GAS7: variants seen among roughly 807,000 people sequenced by gnomAD.
GAS7 encodes growth arrest-specific protein 7.
GAS7 carries 28 observed loss-of-function variants against 71.1 expected under a neutral mutation model. The observed-to-expected ratio is 0.39, with a 90% CI of 0.29 to 0.54. GAS7 has a LOEUF of 0.54. GAS7 is among the 20% of genes least tolerant of loss of function. The probability of loss-of-function intolerance (pLI) is 0.62; values close to 1 mark genes in which losing one functional copy is unlikely to be tolerated. For missense variants in GAS7, 436 were observed against 627.8 expected (o/e 0.69, Z 3.27); for synonymous variants, 258 against 245.8 (o/e 1.05, Z -0.46).
chr17:9,984,381 T>A (rs978159675), intron 2 of GAS7, among the ~76,000 whole-genome samples: 5 of 152,094 alleles, frequency 3.3e-5, no homozygotes, highest in Non-Finnish European at 7.4e-5. Flanking sequence ...GGGGCAGGCA[T>A]AACAGGGGTA....
At chr17:10,167,873 A>AT in intron 1 of GAS7, among the ~76,000 whole-genome samples, 1 of 151,994 alleles carries the variant, frequency 6.6e-6, no homozygotes, top group Middle Eastern at 3.4e-3. Flanking sequence ...TGACATTTGT[A>AT]TTTTTTGTAG....
chr17:10,135,119 A>G (rs572096909), intron 1 of GAS7, among the ~76,000 whole-genome samples: 69 of 152,224 alleles, frequency 4.5e-4, no homozygotes, highest in African/African-American at 1.5e-3. Context: ...GTGTGAGCCA[A>G]CGCAGCCCGG....
rs1402865816 is a variant in GAS7, at chr17:9,959,146, A to G, written c.525+56T>C. On this transcript the variant is annotated intron_variant, in intron 5 of 13. Coordinates refer to ENST00000432992, the MANE Select transcript of GAS7 (RefSeq NM_201433.2). The surrounding 1 kb of genome is among the most constrained non-coding windows in gnomAD (Gnocchi z 5.0). ...GTCCACATCGCCATGGCAACAGCCC[A>G]GCCAAATGCCCCAGCTCGCAGCCCA... 8.2e-6 allele frequency: 13 copies of G among 1,588,470 alleles called. No homozygotes were observed. The highest frequency in any genetic ancestry group is 1.3e-5 in the African/African-American group (1 of 74,452).
rs534386607 is a variant in GAS7 at position 9,972,520 on chromosome 17, G to A, written c.386-2758C>T. On this transcript the variant is annotated intron_variant, in intron 3 of 13. Transcript: ENST00000432992. ...CTGATTAACAGACAAAAACAAGGAG[G>A]ATAAAGAAGACCCGAATAATTTAAT... is the stretch of plus-strand genomic sequence containing the variant. 9.8e-4 allele frequency among the ~76,000 whole-genome samples: 149 copies of A among 152,314 alleles called. 1 individual carries two copies. In the South Asian group the frequency reaches 0.029, roughly 30 times the overall value.
chr17:9,919,616 G>A lies in GAS7; in HGVS notation c.1218+10C>T, dbSNP rs2067721698. 1 of 1,601,202 alleles carries A rather than the reference G, an allele frequency of 6.2e-7. No homozygotes were observed. Among genetic ancestry groups the A allele is most frequent in the African/African-American group, 1.3e-5 (1 of 74,694 alleles). On this transcript the variant is annotated intron_variant, in intron 12 of 13. Coordinates refer to ENST00000432992, the MANE Select transcript of GAS7 (RefSeq NM_201433.2). The surrounding 1 kb of genome is among the most constrained non-coding windows in gnomAD (Gnocchi z 5.0). ...TGTACTGCCATGTCCACACATCCCT[G>A]CCCGCTTACCAATGTGGTGGTCACC... is the stretch of plus-strand genomic sequence containing the variant.
chr17:10,073,634 G>A (rs774561455), intron 1 of GAS7, among the ~76,000 whole-genome samples: 1 of 152,142 alleles, frequency 6.6e-6, no homozygotes. Flanking sequence ...TGAATCGTGC[G>A]CACATTAACG....
chr17:10,067,401 C>T (rs998481060), intron 1 of GAS7, among the ~76,000 whole-genome samples: 2 of 152,126 alleles, frequency 1.3e-5, no homozygotes, highest in African/African-American at 4.8e-5. Flanking sequence ...CATGCCACCA[C>T]ACCTGGCTAA....
chr17:10,005,268 T>C (rs952278421), intron 2 of GAS7, among the ~76,000 whole-genome samples: 5 of 151,476 alleles, frequency 3.3e-5, no homozygotes, highest in Non-Finnish European at 5.9e-5. Flanking sequence ...CACATACATG[T>C]ATGTATATGT....
intron 1 of GAS7, among the ~76,000 whole-genome samples, chr17:10,131,872 A>C (rs1223438395): frequency 6.6e-6 from 1 of 152,176 alleles, no homozygotes; most frequent in Admixed American, 6.5e-5. Context: ...GAATGTATAA[A>C]AATGTGCTCA....
At position 10,120,896 on chromosome 17, in the gene GAS7, C is replaced by T. The variant is rs1039338431; in HGVS notation, c.183+77312G>A. On this transcript the variant is annotated intron_variant, in intron 1 of 13. Transcript: ENST00000432992. ...AGCTGCCCCCACCCCTCCTCTCATC[C>T]TTTCTCACCATTTCCTTCCTTCACA... is the stretch of plus-strand genomic sequence containing the variant. Among the ~76,000 whole-genome samples the T allele has an allele frequency of 5.3e-5, 8 of 152,324 alleles. 1 individual carries two copies. The South Asian group carries it at 1.7e-3, about 32-fold the overall frequency.
At chr17:10,194,036 A>T (rs1010603381) in intron 1 of GAS7, among the ~76,000 whole-genome samples, 1 of 152,174 alleles carries the variant, frequency 6.6e-6, no homozygotes, top group East Asian at 1.9e-4. Context: ...ATGAACCCAA[A>T]ATGGGAGAAC....
intron 1 of GAS7, among the ~76,000 whole-genome samples, chr17:10,064,998 A>G (rs987079791): frequency 2.8e-5 from 3 of 106,362 alleles, no homozygotes; most frequent in African/African-American, 8.7e-5. Flanking sequence ...TTTATTTTTT[A>G]TTTATACAGA....
chr17:9,968,628 A>G (rs772764963), intron 4 of GAS7, among the ~76,000 whole-genome samples: 15 of 152,220 alleles, frequency 9.9e-5, no homozygotes, highest in Admixed American at 2.0e-4. Context: ...CTAACAGCCA[A>G]TGGGTCTCCA....
intron 1 of GAS7, among the ~76,000 whole-genome samples, chr17:10,128,775 G>T (rs994034738): frequency 6.6e-6 from 1 of 151,612 alleles, no homozygotes; most frequent in Non-Finnish European, 1.5e-5. Flanking sequence ...GCCCACCACC[G>T]CGCCCAGCTA....
chr17:10,036,309 C>T, intron 1 of GAS7: 1 of 840,432 alleles, frequency 1.2e-6, no homozygotes, highest in Non-Finnish European at 2.0e-6. Flanking sequence ...CACCACAGCT[C>T]AGCAGTTAGA....
intron 5 of GAS7, among the ~76,000 whole-genome samples, chr17:9,952,940 T>C (rs936357510): frequency 3.3e-5 from 5 of 152,044 alleles, no homozygotes; most frequent in Non-Finnish European, 5.9e-5. Context: ...AATGTGGTGA[T>C]TCCTCAAAGA....
At chr17:9,924,277 C>T (rs2067918512) in intron 11 of GAS7, among the ~76,000 whole-genome samples, 1 of 152,078 alleles carries the variant, frequency 6.6e-6, no homozygotes, top group Admixed American at 6.6e-5. Flanking sequence ...GGGTTCAAGC[C>T]ATCCTCCACC....
rs2074501630 is a variant in GAS7, at chr17:10,191,619, G to A, written c.183+6589C>T. ...GGGCTGGGCACGGTGGCTCACGCCTGTAATCCCAGCACTTTGGGAGGCTGA... is the reference window on the plus strand; with the variant it reads ...GGGCTGGGCACGGTGGCTCACGCCTATAATCCCAGCACTTTGGGAGGCTGA... On this transcript the variant is annotated intron_variant, in intron 1 of 13. Transcript: ENST00000432992. 2.7e-5 allele frequency among the ~76,000 whole-genome samples: 4 copies of A among 149,856 alleles called. No homozygotes were observed. In the Admixed American group the frequency reaches 2.7e-4, roughly 10 times the overall value.
At chr17:9,949,074 A>G (rs1330930968) in intron 5 of GAS7, among the ~76,000 whole-genome samples, 2 of 152,086 alleles carry the variant, frequency 1.3e-5, no homozygotes, top group Non-Finnish European at 2.9e-5. Context: ...CAGCTGGGAC[A>G]GGAGGGCGGA....
Sources: allele counts gnomAD v4.1 joint callset (sites outside exome capture counted in the v4.1 genomes callset), GRCh38; gene constraint gnomAD v4.1.1; non-coding constraint Gnocchi (gnomAD v3.1); transcripts MANE v1.5; gene names NCBI Gene and HGNC (gene_info 2026-07-23, HGNC 2026-07-21).